COL8A1: variants seen among roughly 807,000 people sequenced by gnomAD.
The protein encoded by COL8A1 is collagen type VIII alpha 1 chain.
COL8A1 carries 21 observed loss-of-function variants against 42.7 expected under a neutral mutation model. The ratio of observed to expected loss-of-function variants is 0.49; its 90% CI spans 0.35 to 0.71. COL8A1 has a LOEUF of 0.71. Among genes scored for constraint, COL8A1 ranks in the 30% least tolerant of loss-of-function variants. The pLI, the probability that COL8A1 is intolerant of heterozygous loss-of-function variation, is 0.01. For missense variants in COL8A1, 788 were observed against 962.4 expected, an observed-to-expected ratio of 0.82 and a Z score of 2.40; for synonymous variants, 367 against 369.1, an observed-to-expected ratio of 0.99 and a Z score of 0.06.
rs541627169 is a variant in COL8A1 at position 99,765,840 on chromosome 3, G to A, written c.-4+20819G>A. Among the ~76,000 whole-genome samples the A allele has an allele frequency of 5.9e-5, 9 of 152,176 alleles. No homozygotes were observed. The East Asian group carries it at 1.4e-3, about 23-fold the overall frequency. On this transcript the variant is annotated intron_variant, in intron 2 of 3. Transcript: ENST00000652472. Reference sequence around the variant, plus strand: ...TAACACAACAGATTTATCTTCTGATGCCTTATCAAAATTACTAAAATTACA... The same window carrying A: ...TAACACAACAGATTTATCTTCTGATACCTTATCAAAATTACTAAAATTACA...
In COL8A1 at chr3:99,790,619, A is replaced by G. The variant is rs1941982856; in HGVS notation, c.-3-61A>G. 4.3e-6 allele frequency: 6 copies of G among 1,402,058 alleles called. No individual in the cohort carries two copies. The South Asian group carries it at 7.6e-5, about 18-fold the overall frequency. 86.9% of individuals were successfully genotyped at this position (1,402,058 alleles called of 1,614,324 possible). The stretch of plus-strand genomic sequence containing the variant: ...TTTTTTCCCCATTCTATCTCTAAAT[A>G]AACTCAAGTCACTTGGCCTTGCAGA... On this transcript the variant is annotated intron_variant, in intron 2 of 3. Transcript: ENST00000652472.
At chr3:99,751,924 A>G (rs1044315352) in intron 2 of COL8A1, among the ~76,000 whole-genome samples, 4 of 152,228 alleles carry the variant, frequency 2.6e-5, no homozygotes, top group Admixed American at 2.0e-4. Flanking sequence ...ATTATCATGA[A>G]AAATTGGCTA....
chr3:99,717,145 ATC>A (rs1940022370), intron 1 of COL8A1, among the ~76,000 whole-genome samples: 1 of 152,046 alleles, frequency 6.6e-6, no homozygotes, highest in African/African-American at 2.4e-5. Context: ...AAGTCGTAAT[ATC>A]TCTGTTTTGT....
intron 1 of COL8A1, among the ~76,000 whole-genome samples, chr3:99,690,798 G>A (rs1232151607): frequency 2.0e-5 from 3 of 152,130 alleles, no homozygotes; most frequent in African/African-American, 4.8e-5. Flanking sequence ...TAAAATTCAC[G>A]GAATTAGCAA....
intron 1 of COL8A1, among the ~76,000 whole-genome samples, chr3:99,647,822 C>T (rs1937696424): frequency 6.6e-6 from 1 of 152,172 alleles, no homozygotes; most frequent in Admixed American, 6.5e-5. Flanking sequence ...GTGTAATTTA[C>T]TGAATGAGGA....
chr3:99,713,183 G>A (rs1313321549), intron 1 of COL8A1, among the ~76,000 whole-genome samples: 1 of 152,030 alleles, frequency 6.6e-6, no homozygotes, highest in Non-Finnish European at 1.5e-5. Context: ...TTACAGATAA[G>A]GAGGCTGAGG....
chr3:99,727,669 C>G (rs956494243), intron 1 of COL8A1, among the ~76,000 whole-genome samples: 1 of 151,942 alleles, frequency 6.6e-6, no homozygotes, highest in African/African-American at 2.4e-5. Context: ...GATACCAAAG[C>G]CTGGCAGAGA....
intron 2 of COL8A1, among the ~76,000 whole-genome samples, chr3:99,758,866 A>G (rs2107422556): frequency 6.6e-6 from 1 of 152,248 alleles, no homozygotes; most frequent in Middle Eastern, 3.4e-3. Context: ...TGAATTCAAA[A>G]CAATTAGCCT....
intron 1 of COL8A1, among the ~76,000 whole-genome samples, chr3:99,639,465 T>A (rs1042867893): frequency 6.6e-6 from 1 of 152,232 alleles, no homozygotes; most frequent in African/African-American, 2.4e-5. Flanking sequence ...CAGATGGTTG[T>A]AAAGAAAGAT....
intron 2 of COL8A1, among the ~76,000 whole-genome samples, chr3:99,768,823 C>T (rs1941520741): frequency 6.6e-6 from 1 of 152,196 alleles, no homozygotes; most frequent in East Asian, 1.9e-4. Flanking sequence ...CTGGTACCTT[C>T]TAACTGGGAC....
At chr3:99,649,787 T>TCACACA (rs151279535) in intron 1 of COL8A1, among the ~76,000 whole-genome samples, 1 of 149,698 alleles carries the variant, frequency 6.7e-6, no homozygotes, top group Admixed American at 6.7e-5. Flanking sequence ...TCTCTCTCTG[T>TCACACA]CACACACACA....
At chr3:99,723,180 T>C (rs1940205226) in intron 1 of COL8A1, among the ~76,000 whole-genome samples, 1 of 152,068 alleles carries the variant, frequency 6.6e-6, no homozygotes. Context: ...TGAATTTAAA[T>C]TAGAACCAAA....
chr3:99,660,145 G>A (rs1054840918), intron 1 of COL8A1, among the ~76,000 whole-genome samples: 1 of 152,146 alleles, frequency 6.6e-6, no homozygotes, highest in Non-Finnish European at 1.5e-5. Flanking sequence ...AGTGAGTGTG[G>A]TGCGTCACAA....
intron 1 of COL8A1, among the ~76,000 whole-genome samples, chr3:99,660,122 A>C (rs1938156931): frequency 6.6e-6 from 1 of 152,206 alleles, no homozygotes; most frequent in Non-Finnish European, 1.5e-5. Flanking sequence ...CCAACCCGGA[A>C]TCACGCAGGA....
chr3:99,749,605 A>T (rs1474825182), intron 2 of COL8A1, among the ~76,000 whole-genome samples: 1 of 152,170 alleles, frequency 6.6e-6, no homozygotes, highest in Non-Finnish European at 1.5e-5. Context: ...GTCACTATTC[A>T]TGTTCTAAAG....
chr3:99,729,564 A>T (rs896295967), intron 1 of COL8A1, among the ~76,000 whole-genome samples: 10 of 152,036 alleles, frequency 6.6e-5, no homozygotes, highest in Non-Finnish European at 1.0e-4. Context: ...GTGCCTTAGT[A>T]CATCCTTAGG....
At chr3:99,708,812 A>G (rs924945940) in intron 1 of COL8A1, among the ~76,000 whole-genome samples, 2 of 152,202 alleles carry the variant, frequency 1.3e-5, no homozygotes, top group Non-Finnish European at 2.9e-5. Flanking sequence ...AGTAGTGGGA[A>G]TAGTCTGAGG....
chr3:99,662,867 A>G (rs984953096), intron 1 of COL8A1, among the ~76,000 whole-genome samples: 107 of 152,176 alleles, frequency 7.0e-4, no homozygotes, highest in African/African-American at 2.5e-3. Flanking sequence ...TCTGTCCCCA[A>G]ATTTCCCCTT....
At chr3:99,719,021 C>G (rs1940078417) in intron 1 of COL8A1, among the ~76,000 whole-genome samples, 1 of 152,036 alleles carries the variant, frequency 6.6e-6, no homozygotes, top group Non-Finnish European at 1.5e-5. Context: ...CATTCTGATT[C>G]TATAACTCTG....
Sources: allele counts gnomAD v4.1 joint callset (sites outside exome capture counted in the v4.1 genomes callset), GRCh38; gene constraint gnomAD v4.1.1; transcripts MANE v1.5; gene names NCBI Gene and HGNC (gene_info 2026-07-23, HGNC 2026-07-21).